The following RAPGEF6 variants were observed in gnomAD, a reference collection of about 807,000 sequenced individuals.
RAPGEF6 encodes the protein PDZ domain containing guanine nucleotide exchange factor (GEF) 2.
In RAPGEF6, 56 loss-of-function variants were observed where a neutral mutation model predicts 171.4. The ratio of observed to expected loss-of-function variants is 0.33; its 90% CI spans 0.26 to 0.41. RAPGEF6 has a LOEUF of 0.41. Among genes scored for constraint, RAPGEF6 ranks in the 10% least tolerant of loss-of-function variants. RAPGEF6 has a pLI of 1.00. For synonymous variants in RAPGEF6, 692 were observed against 650.1 expected (o/e 1.06, Z -0.98); for missense variants, 1,674 against 1,921.4 (o/e 0.87, Z 2.41).
At chr5:131,510,206 C>G in intron 8 of RAPGEF6, 108 bp downstream of exon 8, 1 of 1,197,348 alleles carries the variant, frequency 8.4e-7, no homozygotes, top group Admixed American at 2.7e-5. Context: ...AAGATAATGG[C>G]TTAACACAAC....
At chr5:131,530,132 A>G (rs1759274029) in intron 6 of RAPGEF6, among the ~76,000 whole-genome samples, 1 of 148,312 alleles carries the variant, frequency 6.7e-6, no homozygotes, top group African/African-American at 2.5e-5. Flanking sequence ...TGAGGACCAC[A>G]TCTCTTAAGA....
chr5:131,457,059 C>T (rs1211075416), intron 19 of RAPGEF6, among the ~76,000 whole-genome samples: 2 of 152,078 alleles, frequency 1.3e-5, no homozygotes, highest in Admixed American at 6.6e-5. Flanking sequence ...AACAACAATC[C>T]TTTATTTTAT....
intron 7 of RAPGEF6, among the ~76,000 whole-genome samples, chr5:131,519,866 T>C (rs1315978663): frequency 6.6e-6 from 1 of 152,180 alleles, no homozygotes; most frequent in Non-Finnish European, 1.5e-5. Flanking sequence ...ATAATTCTTT[T>C]GGGGAGGGGC....
rs866718044 is a variant in RAPGEF6 at position 131,535,966 on chromosome 5, C to T, written c.495+12081G>A. ...CAAACAAAACTAATGATAACAAAAA[C>T]TGGATTTATACTAACCCAGGCATTT... On this transcript the variant is annotated intron_variant, in intron 6 of 27. Transcript: ENST00000509018. 4.6e-5 allele frequency among the ~76,000 whole-genome samples: 7 copies of T among 152,184 alleles called. No homozygotes were observed. In the South Asian group the frequency reaches 1.5e-3, roughly 32 times the overall value.
chr5:131,564,023 G>A (rs1233456086), intron 4 of RAPGEF6, among the ~76,000 whole-genome samples: 2 of 152,146 alleles, frequency 1.3e-5, no homozygotes, highest in African/African-American at 2.4e-5. Context: ...GGCAGGGCAG[G>A]GCTGTAATTC....
intron 4 of RAPGEF6, among the ~76,000 whole-genome samples, chr5:131,579,339 A>C (rs181664531): frequency 1.3e-5 from 2 of 152,224 alleles, no homozygotes; most frequent in African/African-American, 4.8e-5. Context: ...AAGTTTCCAC[A>C]GTGTGGAAGG....
intron 26 of RAPGEF6, among the ~76,000 whole-genome samples, chr5:131,430,560 C>G (rs1326303151): frequency 6.6e-6 from 1 of 152,162 alleles, no homozygotes. Flanking sequence ...CTATTGCACA[C>G]TAATGCGATG....
chr5:131,453,270 A>C, intron 20 of RAPGEF6, 93 bp from the exon 21 acceptor site: 1 of 1,463,778 alleles, frequency 6.8e-7, no homozygotes, highest in Admixed American at 2.4e-5. Flanking sequence ...GGCACAAAGA[A>C]GGACCTTCTT....
intron 4 of RAPGEF6, among the ~76,000 whole-genome samples, chr5:131,589,428 T>C (rs376361412): frequency 6.6e-6 from 1 of 152,254 alleles, no homozygotes; most frequent in Non-Finnish European, 1.5e-5. Context: ...ATTGTTGTTG[T>C]GTGTCTCCTT....
Position 131,519,946 on chromosome 5 carries a change from T to A in RAPGEF6, c.627+1444A>T, listed in dbSNP as rs189899485. Among the ~76,000 whole-genome samples, 34 of 152,324 alleles carry A rather than the reference T, an allele frequency of 2.2e-4. 1 individual carries two copies. In the East Asian group the frequency reaches 6.4e-3, roughly 29 times the overall value. The stretch of plus-strand genomic sequence containing the variant: ...AGAGCTATTGTATTAACTTGTTTCA[T>A]CTCTCTTTTAATTCTTTGTTCTCTC... On this transcript the variant is annotated intron_variant, in intron 7 of 27. Transcript: ENST00000509018.
At chr5:131,573,836 G>T (rs1762448761) in intron 4 of RAPGEF6, among the ~76,000 whole-genome samples, 1 of 152,048 alleles carries the variant, frequency 6.6e-6, no homozygotes, top group African/African-American at 2.4e-5. Context: ...AGACCCAGAG[G>T]GGCCAGAAGG....
chr5:131,480,659 A>G (rs1045105295), intron 15 of RAPGEF6, among the ~76,000 whole-genome samples: 1 of 151,974 alleles, frequency 6.6e-6, no homozygotes, highest in Non-Finnish European at 1.5e-5. Flanking sequence ...TTGTATCTTC[A>G]GTAGAAATAC....
chr5:131,619,142 A>G (rs1451254447), intron 1 of RAPGEF6, among the ~76,000 whole-genome samples: 2 of 152,162 alleles, frequency 1.3e-5, no homozygotes, highest in African/African-American at 4.8e-5. Flanking sequence ...TGAAAAATGA[A>G]ACAGAGGTGT....
At chr5:131,433,748 C>CA in intron 24 of RAPGEF6, 90 bp from the exon 25 acceptor site, 1 of 973,108 alleles carries the variant, frequency 1.0e-6, no homozygotes, top group Middle Eastern at 2.2e-4. Flanking sequence ...AAAAACCCCA[C>CA]AAAAATAACA....
intron 17 of RAPGEF6, among the ~76,000 whole-genome samples, chr5:131,470,998 G>A (rs570934590): frequency 6.6e-6 from 1 of 152,160 alleles, no homozygotes; most frequent in Non-Finnish European, 1.5e-5. Context: ...TTTCTTTTAC[G>A]TGCCAAGAAC....
chr5:131,626,165 C>A (rs955485013), intron 1 of RAPGEF6, among the ~76,000 whole-genome samples: 1 of 152,198 alleles, frequency 6.6e-6, no homozygotes, highest in Non-Finnish European at 1.5e-5. Context: ...CATCCCCAAA[C>A]ATCCTAGACA....
chr5:131,518,399 ATT>A (rs11436573), intron 7 of RAPGEF6, among the ~76,000 whole-genome samples: 4 of 144,756 alleles, frequency 2.8e-5, no homozygotes, highest in Non-Finnish European at 1.5e-5. Context: ...AGAGTTTGAA[ATT>A]TTTTTTTTTT....
intron 1 of RAPGEF6, among the ~76,000 whole-genome samples, chr5:131,631,523 T>A (rs937245304): frequency 1.3e-5 from 2 of 152,226 alleles, no homozygotes; most frequent in Admixed American, 6.5e-5. Context: ...ACCACTTCCA[T>A]TACTATCACT....
At chr5:131,460,055 A>G (rs990988963) in intron 19 of RAPGEF6, among the ~76,000 whole-genome samples, 1 of 152,200 alleles carries the variant, frequency 6.6e-6, no homozygotes, top group African/African-American at 2.4e-5. Context: ...CAAGAATACA[A>G]AACAATTATC....
Sources: gnomAD v4.1 joint callset for allele counts (sites outside exome capture counted in the v4.1 genomes callset) on GRCh38, gnomAD v4.1.1 for gene constraint, MANE v1.5 for transcripts, NCBI Gene and HGNC (gene_info 2026-07-23, HGNC 2026-07-21) for gene names.